SLC8A1: variants seen among roughly 807,000 people sequenced by gnomAD.
SLC8A1 encodes the protein solute carrier family 8 member A1, also known as sodium/calcium exchanger 1.
In SLC8A1, 18 loss-of-function variants were observed where a neutral mutation model predicts 68.3. The ratio of observed to expected loss-of-function variants is 0.26; its 90% confidence interval spans 0.18 to 0.39. The LOEUF is 0.39. Ranked by LOEUF, SLC8A1 falls within the 10% of genes least tolerant of loss-of-function variation. The pLI is 1.00. For synonymous variants in SLC8A1, 475 were observed against 415.5 expected, an observed-to-expected ratio of 1.14 and a Z score of -1.74; for missense variants, 985 against 1,156.7, an observed-to-expected ratio of 0.85 and a Z score of 2.15.
At chr2:40,121,069 C>T (rs1183687385) in intron 7 of SLC8A1, among the ~76,000 whole-genome samples, 1 of 152,198 alleles carries the variant, frequency 6.6e-6, no homozygotes, top group Non-Finnish European at 1.5e-5. Flanking sequence ...TTTTTAGTTT[C>T]TGTCTCTAGT....
chr2:40,349,818 A>C (rs78417167), intron 2 of SLC8A1, among the ~76,000 whole-genome samples: 15,219 of 152,190 alleles, frequency 0.1, 1,002 homozygotes, highest in East Asian at 0.19. Context: ...TGAAAAACTT[A>C]AGATTAATTC....
chr2:40,333,365 G>T (rs937017818), intron 2 of SLC8A1, among the ~76,000 whole-genome samples: 27 of 149,606 alleles, frequency 1.8e-4, no homozygotes, highest in Non-Finnish European at 3.7e-4. Flanking sequence ...TTGAACCCGG[G>T]AGGTGGAGGT....
intron 2 of SLC8A1, among the ~76,000 whole-genome samples, chr2:40,329,681 C>T (rs1409709667): frequency 6.6e-6 from 1 of 152,148 alleles, no homozygotes; most frequent in Non-Finnish European, 1.5e-5. Flanking sequence ...TAGGGTGCTG[C>T]ACATTCAAGT....
chr2:40,496,029 T>C (rs1247546897), intron 1 of SLC8A1, among the ~76,000 whole-genome samples: 1 of 139,810 alleles, frequency 7.2e-6, no homozygotes, highest in Non-Finnish European at 1.5e-5. Flanking sequence ...GGGCTCCATT[T>C]GAAGTGTTCT....
intron 1 of SLC8A1, among the ~76,000 whole-genome samples, chr2:40,464,016 TC>T (rs368598251): frequency 2.2e-4 from 34 of 152,196 alleles, no homozygotes; most frequent in African/African-American, 7.5e-4. Flanking sequence ...TGTCTCAGCC[TC>T]CTGAGTAGCT....
chr2:40,249,405 T>A (rs527961518), intron 2 of SLC8A1, among the ~76,000 whole-genome samples: 2 of 152,338 alleles, frequency 1.3e-5, no homozygotes, highest in East Asian at 3.9e-4. Flanking sequence ...TCCCATTACA[T>A]CAGCATTTTT....
chr2:40,203,784 C>T (rs554235636), intron 2 of SLC8A1, among the ~76,000 whole-genome samples: 4 of 152,090 alleles, frequency 2.6e-5, no homozygotes, highest in African/African-American at 2.4e-5. Context: ...TGGCTCACTG[C>T]AGCCTCAACC....
chr2:40,431,248 T>C, intron 1 of SLC8A1, among the ~76,000 whole-genome samples: 1 of 152,010 alleles, frequency 6.6e-6, no homozygotes, highest in East Asian at 1.9e-4. Context: ...AAAATGTTCC[T>C]TCTCGGTGTC....
chr2:40,274,979 C>T (rs1307635478), intron 2 of SLC8A1, among the ~76,000 whole-genome samples: 1 of 152,122 alleles, frequency 6.6e-6, no homozygotes, highest in African/African-American at 2.4e-5. Flanking sequence ...AGTAGGTTGA[C>T]TAGGAAAATA....
At position 40,200,260 on chromosome 2, in the gene SLC8A1, A is replaced by ATAAATATATATATATATT. The variant is rs2054107158; in HGVS notation, c.1809-22406_1809-22405insAATATATATATATATTTA. ...TATAAATATATATATATATATATAT[A>ATAAATATATATATATATT]TATATATAACCTCTTTTAGTAATTT... On this transcript the variant is annotated intron_variant, in intron 2 of 7. Coordinates refer to ENST00000406785, the Ensembl canonical transcript of SLC8A1. 1.3e-4 allele frequency among the ~76,000 whole-genome samples: 10 copies of ATAAATATATATATATATT among 78,754 alleles called. 1 individual carries two copies. The highest frequency in any genetic ancestry group is 5.3e-4 in the African/African-American group (10 of 19,032). The allele number at this position is 78,754 out of a possible 152,430, so 51.7% of individuals were successfully genotyped here.
intron 1 of SLC8A1, among the ~76,000 whole-genome samples, chr2:40,436,590 A>G (rs1258949852): frequency 1.3e-5 from 2 of 152,096 alleles, no homozygotes; most frequent in African/African-American, 4.8e-5. Context: ...ATGCTCTGTT[A>G]AGAGGGCCCT....
chr2:40,313,787 T>C (rs914178353), intron 2 of SLC8A1, among the ~76,000 whole-genome samples: 1 of 152,144 alleles, frequency 6.6e-6, no homozygotes, highest in African/African-American at 2.4e-5. Flanking sequence ...AGTGAGTAAA[T>C]GATGTTGAGC....
intron 2 of SLC8A1, among the ~76,000 whole-genome samples, chr2:40,367,055 G>C (rs1676446252): frequency 6.6e-6 from 1 of 151,886 alleles, no homozygotes; most frequent in South Asian, 2.1e-4. Flanking sequence ...GAATTACTGA[G>C]GTTCTGGGTG....
intron 2 of SLC8A1, among the ~76,000 whole-genome samples, chr2:40,365,218 C>CA (rs547523029): frequency 1.8e-3 from 259 of 142,976 alleles, no homozygotes; most frequent in East Asian, 0.011. Context: ...ATGACTAAAC[C>CA]AAAAAAAAAA....
chr2:40,300,596 T>A (rs1405346640), intron 2 of SLC8A1, among the ~76,000 whole-genome samples: 1 of 152,238 alleles, frequency 6.6e-6, no homozygotes, highest in East Asian at 1.9e-4. Context: ...ACCCCAGGAA[T>A]TCTCCACAGT....
chr2:40,202,115 C>A lies in SLC8A1; in HGVS notation c.1809-24260G>T, dbSNP rs556246833. On this transcript the variant is annotated intron_variant, in intron 2 of 7. Transcript: ENST00000406785. Reference sequence around the variant, plus strand: ...TGTGTTTCCAAAGATTAGATCAGCACCATGGAGCAAAGTGCAAGGAATGAA... The same window carrying A: ...TGTGTTTCCAAAGATTAGATCAGCAACATGGAGCAAAGTGCAAGGAATGAA... Among the ~76,000 whole-genome samples the A allele has an allele frequency of 1.9e-4, 29 of 152,064 alleles. No individual in the cohort carries two copies. The South Asian group carries it at 5.8e-3, about 30-fold the overall frequency.
chr2:40,333,810 G>A (rs957942407), intron 2 of SLC8A1, among the ~76,000 whole-genome samples: 2 of 152,162 alleles, frequency 1.3e-5, no homozygotes, highest in Non-Finnish European at 2.9e-5. Context: ...AGCACTTTGG[G>A]AGCTAAGGCG....
At chr2:40,472,478 A>G (rs1262616029) in intron 1 of SLC8A1, among the ~76,000 whole-genome samples, 1 of 152,208 alleles carries the variant, frequency 6.6e-6, no homozygotes, top group Non-Finnish European at 1.5e-5. Context: ...ACACTCATCT[A>G]GCTGTTTCAT....
rs549278560 is a variant in SLC8A1, at chr2:40,144,424, T to C, written c.2162-4748A>G. Among the ~76,000 whole-genome samples, 17 of 152,274 alleles carry C rather than the reference T, an allele frequency of 1.1e-4. No homozygotes were observed. The East Asian group carries it at 3.1e-3, about 28-fold the overall frequency. ...CTCACACAGAATTTAAGTGACTGAG[T>C]TGGGATTTGATCTAACAGTCCAGGG... On this transcript the variant is annotated intron_variant, in intron 6 of 7. Transcript: ENST00000406785.
Sources: gnomAD v4.1 joint callset for allele counts (sites outside exome capture counted in the v4.1 genomes callset) on GRCh38, gnomAD v4.1.1 for gene constraint, MANE v1.5 for transcripts, NCBI Gene and HGNC (gene_info 2026-07-23, HGNC 2026-07-21) for gene names.